TRIM56: variants seen among roughly 807,000 people sequenced by gnomAD.
TRIM56 encodes tripartite motif containing 56.
In TRIM56, 10 loss-of-function variants were observed where a neutral mutation model predicts 17.1. The observed-to-expected ratio is 0.58, with a 90% CI of 0.36 to 0.99. The LOEUF (loss-of-function observed/expected upper bound fraction) is 0.99. Ranked by LOEUF, TRIM56 falls within the 50% of genes least tolerant of loss-of-function variation. TRIM56 has a pLI of 0.01. For synonymous variants in TRIM56, 503 were observed against 473.5 expected (o/e 1.06, Z -0.81); for missense variants, 923 against 1,052.3 (o/e 0.88, Z 1.70).
chr7:101,086,302 T>G (rs2116525007), intron 1 of TRIM56, among the ~76,000 whole-genome samples: 1 of 152,226 alleles, frequency 6.6e-6, no homozygotes, highest in East Asian at 1.9e-4. Context: ...GGCTCACGCC[T>G]ATAATCCCAG....
Position 101,087,089 on chromosome 7 carries a change from A to G in TRIM56, c.-81A>G, listed in dbSNP as rs1036225183. The G allele has an allele frequency of 1.8e-6, 1 of 556,528 alleles. No homozygotes were observed. Among genetic ancestry groups the G allele is most frequent in the African/African-American group, 1.9e-5 (1 of 51,964 alleles). 34.5% of individuals were successfully genotyped at this position (556,528 alleles called of 1,614,324 possible). On this transcript the variant is annotated 5_prime_UTR_variant, in exon 2 of 3. Transcript: ENST00000306085. ...CACGGAAGTGGAGGAGGAGGAGGAG[A>G]AGGAGGAGGGCAGCTCCTTAGCTCA...
In TRIM56 at chr7:101,088,057, GC is replaced by G; in HGVS notation, c.748del (p.Arg250GlyfsTer282). 1.3e-6 allele frequency: 2 copies of G among 1,530,590 alleles called. No individual in the cohort carries two copies. Among genetic ancestry groups the G allele is most frequent in the Non-Finnish European group, 1.8e-6 (2 of 1,141,480 alleles). The allele number at this position is 1,530,590 out of a possible 1,614,324, so 94.8% of individuals were successfully genotyped here. On this transcript the variant is annotated frameshift_variant, in exon 3 of 3. Transcript: ENST00000306085. LOFTEE classifies it low-confidence loss of function (END_TRUNC). Reference sequence around the variant, plus strand: ...GCTAGCCCGGCTGCGGGAGCAGGCGGCCCGGGTGGGGACTCAGGTGGAGGAG... The same window carrying G: ...GCTAGCCCGGCTGCGGGAGCAGGCGGCCGGGTGGGGACTCAGGTGGAGGAG... ...EALARLREQA[A>X]RVGTQVEEAA...
Position 101,093,964 on chromosome 7 carries a change from C to T in TRIM56, c.*4384C>T, listed in dbSNP as rs774086220. The T allele has an allele frequency of 1.3e-5, 2 of 152,186 alleles. No homozygotes were observed. The highest frequency in any genetic ancestry group is 2.4e-5 in the African/African-American group (1 of 41,438). 9.4% of individuals were successfully genotyped at this position (152,186 alleles called of 1,614,324 possible). On this transcript the variant is annotated 3_prime_UTR_variant, in exon 3 of 3. Transcript: ENST00000306085. The stretch of plus-strand genomic sequence containing the variant: ...GATCCTGGAGAATAATTTGGCTAGA[C>T]TTTGCAAGAATGACAAAAATGATTA...
At position 101,092,577 on chromosome 7, in the gene TRIM56, G is replaced by C. The variant is rs995143844; in HGVS notation, c.*2997G>C. ...CAGCCGCCCCGTCCGGGAGGGAGGT[G>C]GGGGGTCAGCCCCCTCCCGGCCAGC... is the stretch of plus-strand genomic sequence containing the variant. On this transcript the variant is annotated 3_prime_UTR_variant, in exon 3 of 3. Coordinates refer to ENST00000306085, the MANE Select transcript of TRIM56 (RefSeq NM_030961.3). 4.1e-5 allele frequency: 6 copies of C among 145,022 alleles called. No individual in the cohort carries two copies. The highest frequency in any genetic ancestry group is 1.6e-4 in the African/African-American group (6 of 36,744). 9.0% of individuals were successfully genotyped at this position (145,022 alleles called of 1,614,324 possible). A position where few individuals can be genotyped will look rare whatever the true frequency, so the allele number is the denominator to read the frequency against.
At chr7:101,086,460 C>T (rs1040273427) in intron 1 of TRIM56, among the ~76,000 whole-genome samples, 2 of 149,684 alleles carry the variant, frequency 1.3e-5, no homozygotes, top group East Asian at 4.0e-4. Context: ...ACTCGGGAGG[C>T]TGAGGCAGGA....
Position 101,093,360 on chromosome 7 carries a change from GAA to G in TRIM56, c.*3783_*3784del, listed in dbSNP as rs1795610217. ...AAAATTAAAAAAAAAAAAAAAAAAA[GAA>G]AACCAAGAAGATGGGAAAACCATGC... is the stretch of plus-strand genomic sequence containing the variant. On this transcript the variant is annotated 3_prime_UTR_variant, in exon 3 of 3. Coordinates refer to ENST00000306085, the MANE Select transcript of TRIM56 (RefSeq NM_030961.3). 1 of 127,182 alleles carries G rather than the reference GAA, an allele frequency of 7.9e-6. No individual in the cohort carries two copies. The highest frequency in any genetic ancestry group is 1.7e-5 in the Non-Finnish European group (1 of 59,706). The allele number at this position is 127,182 out of a possible 1,614,324, so 7.9% of individuals were successfully genotyped here.
chr7:101,088,806 C>A lies in TRIM56; in HGVS notation c.1494C>A (p.Pro498=), dbSNP rs763064263. 34 of 1,613,728 alleles carry A rather than the reference C, an allele frequency of 2.1e-5. No individual in the cohort carries two copies. The highest frequency in any genetic ancestry group is 2.7e-5 in the Non-Finnish European group (32 of 1,180,048). The stretch of plus-strand genomic sequence containing the variant: ...GACCCATCTTTTACTGCAGTTTCCC[C>A]ACGCGGATGCCTGGAGACAAGCGGT... The part of the protein sequence containing the change: ...LPRPIFYCSF[P]TRMPGDKRSP... Residue 498 remains proline, a synonymous_variant, in exon 3 of 3, where the codon CCC becomes CCA. Transcript: ENST00000306085.
chr7:101,088,512 G>T lies in TRIM56; in HGVS notation c.1200G>T (p.Pro400=). ...EESQSRREDE[P]KTERQGGVQP... is the part of the protein sequence containing the mutation. ...GCCAGAGCCGGAGGGAGGATGAGCC[G>T]AAGACTGAGAGACAGGGTGGAGTCC... Residue 400 remains proline, a synonymous_variant, in exon 3 of 3, where the codon CCG becomes CCT. Coordinates refer to ENST00000306085, the MANE Select transcript of TRIM56 (RefSeq NM_030961.3). The T allele has an allele frequency of 6.2e-7, 1 of 1,613,780 alleles. No individual in the cohort carries two copies. Among genetic ancestry groups the T allele is most frequent in the Non-Finnish European group, 8.5e-7 (1 of 1,179,870 alleles).
At position 101,087,991 on chromosome 7, in the gene TRIM56, C is replaced by A. The variant is rs1312971270; in HGVS notation, c.679C>A (p.Leu227Met). 6 of 1,589,040 alleles carry A rather than the reference C, an allele frequency of 3.8e-6. No individual in the cohort carries two copies. Among genetic ancestry groups the A allele is most frequent in the Non-Finnish European group, 5.1e-6 (6 of 1,174,332 alleles). ...ACTGCTGGCCGGTGTGGACAATAACCTGGTGGAGCTGGAGGCAGCGCGGAG... is the reference window on the plus strand; with the variant it reads ...ACTGCTGGCCGGTGTGGACAATAACATGGTGGAGCTGGAGGCAGCGCGGAG... ...EGLLAGVDNN[L>M]VELEAARRVE... The change falls in exon 3 of 3, where the codon CTG (leucine) becomes ATG (methionine). Residue 227 changes from leucine to methionine, a missense_variant. By Grantham distance (15) the Leu-to-Met change is conservative. Transcript: ENST00000306085.
chr7:101,097,451 T>G lies in TRIM56; in HGVS notation c.*7871T>G, dbSNP rs1182018318. On this transcript the variant is annotated 3_prime_UTR_variant, in exon 3 of 3. Transcript: ENST00000306085. ...GTAACTTGACCAAAGGTAGCAAAATTAGACTACCCAACTGGATTGTGAATG... is the reference window on the plus strand; with the variant it reads ...GTAACTTGACCAAAGGTAGCAAAATGAGACTACCCAACTGGATTGTGAATG... 4 of 152,130 alleles carry G rather than the reference T, an allele frequency of 2.6e-5. No homozygotes were observed. The highest frequency in any genetic ancestry group is 9.7e-5 in the African/African-American group (4 of 41,418). The allele number at this position is 152,130 out of a possible 1,614,324, so 9.4% of individuals were successfully genotyped here. A position where few individuals can be genotyped will look rare whatever the true frequency, so the allele number is the denominator to read the frequency against.
In TRIM56 at chr7:101,088,458, C is replaced by A. The variant is rs756222969; in HGVS notation, c.1146C>A (p.Asp382Glu). The A allele has an allele frequency of 1.9e-6, 3 of 1,613,668 alleles. No individual in the cohort carries two copies. The South Asian group carries it at 3.3e-5, about 18-fold the overall frequency. Residue 382 changes from aspartate (D) to glutamate (E), a missense_variant, in exon 3 of 3, where the codon GAC becomes GAA. Asp to Glu is a conservative substitution (Grantham distance 45). Coordinates refer to ENST00000306085, the MANE Select transcript of TRIM56 (RefSeq NM_030961.3). ...AGCCCCAGAAGGATGGTGGGAAAGA[C>A]GGAGCTGGTACCCAGGGAGGTGAGG... The part of the protein sequence containing the change: ...EQQPQKDGGK[D>E]GAGTQGGEES...
Position 101,092,085 on chromosome 7 carries a change from C to T in TRIM56, c.*2505C>T, listed in dbSNP as rs531425670. ...GATTGCAGACGGAGTCTCGTTCACT[C>T]GGTGCTCAATGTTGCCCAGGCTGGA... On this transcript the variant is annotated 3_prime_UTR_variant, in exon 3 of 3. Transcript: ENST00000306085. 5.7e-5 allele frequency: 17 copies of T among 300,336 alleles called. No homozygotes were observed. Among genetic ancestry groups the T allele is most frequent in the East Asian group, 1.3e-4 (1 of 7,494 alleles). The allele number at this position is 300,336 out of a possible 1,614,324, so 18.6% of individuals were successfully genotyped here.
At position 101,089,777 on chromosome 7, in the gene TRIM56, T is replaced by C; in HGVS notation, c.*197T>C. On this transcript the variant is annotated 3_prime_UTR_variant, in exon 3 of 3. Transcript: ENST00000306085. Reference sequence around the variant, plus strand: ...CAAGGTGGTGGCGTGACCTTAACTCTCAGAAGCAGAGGAGGCAGGTGGGTG... The same window carrying C: ...CAAGGTGGTGGCGTGACCTTAACTCCCAGAAGCAGAGGAGGCAGGTGGGTG... 1 of 540,266 alleles carries C rather than the reference T, an allele frequency of 1.9e-6. No homozygotes were observed. Among genetic ancestry groups the C allele is most frequent in the Non-Finnish European group, 3.3e-6 (1 of 301,508 alleles). 33.5% of individuals were successfully genotyped at this position (540,266 alleles called of 1,614,324 possible).
chr7:101,087,980 T>G lies in TRIM56; in HGVS notation c.668T>G (p.Val223Gly). 1 of 1,593,540 alleles carries G rather than the reference T, an allele frequency of 6.3e-7. No homozygotes were observed. Among genetic ancestry groups the G allele is most frequent in the Non-Finnish European group, 8.5e-7 (1 of 1,176,232 alleles). ...RPGLEGLLAG[V>G]DNNLVELEAA... is the part of the protein sequence containing the mutation. The stretch of plus-strand genomic sequence containing the variant: ...GGCCTGGAGGGACTGCTGGCCGGTG[T>G]GGACAATAACCTGGTGGAGCTGGAG... Residue 223 changes from valine to glycine, a missense_variant, in exon 3 of 3, where the codon GTG becomes GGG. This residue lies in a region of TRIM56 where 643 missense variants were observed against 665.6 expected (regional missense o/e 0.97). Coordinates refer to ENST00000306085, the MANE Select transcript of TRIM56 (RefSeq NM_030961.3).
At position 101,088,090 on chromosome 7, in the gene TRIM56, G is replaced by A; in HGVS notation, c.778G>A (p.Glu260Lys). ...RVGTQVEEAA[E>K]GVLRALLAQK... Reference sequence around the variant, plus strand: ...GGGGACTCAGGTGGAGGAGGCGGCTGAGGGCGTCCTCCGGGCCCTGCTGGC... The same window carrying A: ...GGGGACTCAGGTGGAGGAGGCGGCTAAGGGCGTCCTCCGGGCCCTGCTGGC... The change falls in exon 3 of 3, where the codon GAG becomes AAG. Residue 260 changes from glutamate to lysine, a missense_variant. Coordinates refer to ENST00000306085, the MANE Select transcript of TRIM56 (RefSeq NM_030961.3). 2 of 1,514,226 alleles carry A rather than the reference G, an allele frequency of 1.3e-6. No homozygotes were observed. Among genetic ancestry groups the A allele is most frequent in the South Asian group, 1.2e-5 (1 of 81,594 alleles). The allele number at this position is 1,514,226 out of a possible 1,614,324, so 93.8% of individuals were successfully genotyped here. A position where few individuals can be genotyped will look rare whatever the true frequency, so the allele number is the denominator to read the frequency against.
Position 101,096,151 on chromosome 7 carries a change from T to C in TRIM56, c.*6571T>C, listed in dbSNP as rs1795650659. ...TTGCAGCGAGCTGAGATCGTACCAC[T>C]GCACTCCAGCCTGGGCAACAGAGTG... On this transcript the variant is annotated 3_prime_UTR_variant, in exon 3 of 3. Transcript: ENST00000306085. The C allele has an allele frequency of 6.6e-6, 1 of 150,646 alleles. No individual in the cohort carries two copies. Among genetic ancestry groups the C allele is most frequent in the African/African-American group, 2.5e-5 (1 of 40,770 alleles). The allele number at this position is 150,646 out of a possible 1,614,324, so 9.3% of individuals were successfully genotyped here.
rs749722725 is a variant in TRIM56, at chr7:101,089,378, A to G, written c.2066A>G (p.Lys689Arg). ...CQPGSVSVDK[K>R]GYIFLTLREV... is the part of the protein sequence containing the mutation. ...CCGGGCTCCGTGTCTGTGGATAAGA[A>G]GGGCTACATCTTTCTGACCCTTCGA... Residue 689 changes from lysine (K) to arginine (R), a missense_variant, in exon 3 of 3, where the codon AAG becomes AGG. Physicochemically the swap from Lys to Arg is conservative, Grantham distance 26. This residue lies in a region of TRIM56 where 182 missense variants were observed against 243.1 expected (regional missense o/e 0.75). Transcript: ENST00000306085. 6.2e-7 allele frequency: 1 copy of G among 1,612,642 alleles called. No homozygotes were observed. The highest frequency in any genetic ancestry group is 8.5e-7 in the Non-Finnish European group (1 of 1,178,764).
At position 101,088,662 on chromosome 7, in the gene TRIM56, G is replaced by A. The variant is rs780693072; in HGVS notation, c.1350G>A (p.Gln450=). The A allele has an allele frequency of 1.8e-5, 29 of 1,614,054 alleles. No homozygotes were observed. The South Asian group carries it at 3.1e-4, about 17-fold the overall frequency. Residue 450 remains glutamine, a synonymous_variant, in exon 3 of 3, where the codon CAG becomes CAA. Coordinates refer to ENST00000306085, the MANE Select transcript of TRIM56 (RefSeq NM_030961.3). ...CACCCCACGAGGATGGAGGACCCCA[G>A]CCCCACAGGGGTGGCAGACCCAACA... ...AQTPHEDGGP[Q]PHRGGRPNKK...
chr7:101,088,583 C>T lies in TRIM56; in HGVS notation c.1271C>T (p.Ala424Val). The change falls in exon 3 of 3, where the codon GCC becomes GTC. Residue 424 changes from alanine (A) to valine (V), a missense_variant. Ala to Val is a moderately conservative substitution (Grantham distance 64, BLOSUM62 0). Around this residue, in one of 3 missense-constraint regions of TRIM56, gnomAD observed 643 missense variants for 665.6 expected, o/e 0.97. Transcript: ENST00000306085. ...GCCCAGACCCCAAAAGAGGAAAAAG[C>T]CCAGACAACCCGAGAAGAGGGAGCC... Reference protein sequence around the residue: ...DGAQTPKEEKAQTTREEGAQT... With the variant: ...DGAQTPKEEKVQTTREEGAQT... The T allele has an allele frequency of 1.2e-6, 2 of 1,609,214 alleles. No homozygotes were observed. The highest frequency in any genetic ancestry group is 1.7e-6 in the Non-Finnish European group (2 of 1,176,070).
Sources: gnomAD v4.1 joint callset for allele counts (sites outside exome capture counted in the v4.1 genomes callset) on GRCh38, gnomAD v4.1.1 for gene constraint, gnomAD v4.1.1 regional missense constraint, MANE v1.5 for transcripts, NCBI Gene and HGNC (gene_info 2026-07-23, HGNC 2026-07-21) for gene names.